ADAMTS4: variants seen among roughly 807,000 people sequenced by gnomAD.
ADAMTS4 encodes A disintegrin and metalloproteinase with thrombospondin motifs 4.
Under a neutral mutation model 66.7 loss-of-function variants are expected in ADAMTS4, and 38 were observed. The observed-to-expected ratio is 0.57, with a 90% CI of 0.44 to 0.75. The LOEUF (loss-of-function observed/expected upper bound fraction) is 0.75, where lower values mean the gene tolerates loss of function less well. Ranked by LOEUF, ADAMTS4 falls within the 30% of genes least tolerant of loss-of-function variation. The pLI is 0.00. For synonymous variants in ADAMTS4, 418 were observed against 461.5 expected (o/e 0.91, Z 1.21); for missense variants, 1,014 against 1,116.7 (o/e 0.91, Z 1.31).
chr1:161,197,885 G>T (rs918160673), intron 1 of ADAMTS4, 110 bp downstream of exon 1: 27 of 1,461,428 alleles, frequency 1.8e-5, no homozygotes, highest in Admixed American at 2.4e-5. Context: ...GCAGAAGGGA[G>T]GGAAGCAGAA....
chr1:161,194,013 G>C lies in ADAMTS4; in HGVS notation c.1470C>G (p.Ala490=), dbSNP rs750505995. 6.2e-7 allele frequency: 1 copy of C among 1,613,472 alleles called. No individual in the cohort carries two copies. The highest frequency in any genetic ancestry group is 8.5e-7 in the Non-Finnish European group (1 of 1,179,586). Residue 490 remains alanine, a synonymous_variant, in exon 5 of 9, where the codon GCC becomes GCG. Transcript: ENST00000367996. The surrounding 1 kb of genome is among the most constrained non-coding windows in gnomAD (Gnocchi z 4.1). ...AMCQTKHSPW[A]DGTPCGPAQA... is the part of the protein sequence containing the mutation. ...GTGCGGGCCCGCAGGGTGTGCCATC[G>C]GCCCAGGGCGAGTGTTTGGTCTGGC...
At position 161,194,756 on chromosome 1, in the gene ADAMTS4, T is replaced by C. The variant is rs1224058227; in HGVS notation, c.1262-535A>G. On this transcript the variant is annotated intron_variant, in intron 4 of 8. Transcript: ENST00000367996. The surrounding 1 kb of genome is among the most constrained non-coding windows in gnomAD (Gnocchi z 4.1). ...TATTATGAGATGAGCATTGGCTAAA[T>C]GCTTGACCAGCACTATTTAATCATG... Among the ~76,000 whole-genome samples the C allele has an allele frequency of 6.6e-6, 1 of 152,252 alleles. No individual in the cohort carries two copies. Among genetic ancestry groups the C allele is most frequent in the Non-Finnish European group, 1.5e-5 (1 of 68,040 alleles).
Position 161,191,105 on chromosome 1 carries a change from CGGTGCCCAGAAAG to C in ADAMTS4, c.*20_*32del. 6.6e-7 allele frequency: 1 copy of C among 1,514,352 alleles called. No individual in the cohort carries two copies. The allele number at this position is 1,514,352 out of a possible 1,614,324, so 93.8% of individuals were successfully genotyped here. On this transcript the variant is annotated 3_prime_UTR_variant, in exon 9 of 9. Transcript: ENST00000367996. ...TTTCTCCCAGCTAAGTCCGAGGCCC[CGGTGCCCAGAAAG>C]GGCAGCCGGGATAGTGAGGTTATTT...
At position 161,190,959 on chromosome 1, in the gene ADAMTS4, C is replaced by G; in HGVS notation, c.*179G>C. On this transcript the variant is annotated 3_prime_UTR_variant, in exon 9 of 9. Coordinates refer to ENST00000367996, the MANE Select transcript of ADAMTS4 (RefSeq NM_005099.6). ...TCCATCCACTAACCCATCACTGCCTCCCAGGGCAGGAAACCAGGGCAGGGC... is the reference window on the plus strand; with the variant it reads ...TCCATCCACTAACCCATCACTGCCTGCCAGGGCAGGAAACCAGGGCAGGGC... 1.5e-6 allele frequency: 1 copy of G among 674,460 alleles called. No individual in the cohort carries two copies. Among genetic ancestry groups the G allele is most frequent in the South Asian group, 2.7e-5 (1 of 37,686 alleles). 41.8% of individuals were successfully genotyped at this position (674,460 alleles called of 1,614,324 possible).
In ADAMTS4 at chr1:161,189,891, T is replaced by G. The variant is rs1194867100; in HGVS notation, c.*1247A>C. ...CCACATCTGTCTGACTCCAAAAGGA[T>G]CACATAAATAGTAGAATTCAATTTA... is the stretch of plus-strand genomic sequence containing the variant. On this transcript the variant is annotated 3_prime_UTR_variant, in exon 9 of 9. Coordinates refer to ENST00000367996, the MANE Select transcript of ADAMTS4 (RefSeq NM_005099.6). 6.6e-6 allele frequency: 1 copy of G among 152,126 alleles called. No homozygotes were observed. The highest frequency in any genetic ancestry group is 1.5e-5 in the Non-Finnish European group (1 of 68,030). The allele number at this position is 152,126 out of a possible 1,614,324, so 9.4% of individuals were successfully genotyped here.
rs1664531593 is a variant in ADAMTS4 at position 161,185,778 on chromosome 1, C to T, written c.*5360G>A. 1 of 152,092 alleles carries T rather than the reference C, an allele frequency of 6.6e-6. No individual in the cohort carries two copies. The highest frequency in any genetic ancestry group is 1.5e-5 in the Non-Finnish European group (1 of 68,030). The allele number at this position is 152,092 out of a possible 1,614,324, so 9.4% of individuals were successfully genotyped here. A position where few individuals can be genotyped will look rare whatever the true frequency, so the allele number is the denominator to read the frequency against. ...GGAAGAGAAGTGTAAATGCCGATTCCACAGCACACTCCAGGAACCCTGGCT... is the reference window on the plus strand; with the variant it reads ...GGAAGAGAAGTGTAAATGCCGATTCTACAGCACACTCCAGGAACCCTGGCT... On this transcript the variant is annotated 3_prime_UTR_variant, in exon 9 of 9. Transcript: ENST00000367996.
In ADAMTS4 at chr1:161,191,619, C is replaced by T. The variant is rs1304724857; in HGVS notation, c.2088-55G>A. 7.6e-5 allele frequency: 116 copies of T among 1,518,338 alleles called. 1 individual carries two copies. In the South Asian group the frequency reaches 1.1e-3, roughly 15 times the overall value. 94.1% of individuals were successfully genotyped at this position (1,518,338 alleles called of 1,614,324 possible). A position where few individuals can be genotyped will look rare whatever the true frequency, so the allele number is the denominator to read the frequency against. On this transcript the variant is annotated intron_variant, in intron 8 of 8. Transcript: ENST00000367996. ...GGATCACCTGAATCCCCTCAGCCTT[C>T]TGAGCTGTGCTTATGTGACTGTATG...
In ADAMTS4 at chr1:161,198,377, C is replaced by A; in HGVS notation, c.251G>T (p.Arg84Leu). The A allele has an allele frequency of 6.2e-7, 1 of 1,612,580 alleles. No homozygotes were observed. The highest frequency in any genetic ancestry group is 8.5e-7 in the Non-Finnish European group (1 of 1,179,680). ...GSGAPARLLC[R>L]LQAFGETLLL... is the part of the protein sequence containing the mutation. ...CAGCGTCTCCCCAAAGGCCTGCAAG[C>A]GGCACAACAGCCTGGCAGGGGCGCC... Residue 84 changes from arginine (R) to leucine (L), a missense_variant, in exon 1 of 9, where the codon CGC (arginine) becomes CTC (leucine). Physicochemically the swap from Arg to Leu is moderately radical, Grantham distance 102. Coordinates refer to ENST00000367996, the MANE Select transcript of ADAMTS4 (RefSeq NM_005099.6). The surrounding 1 kb of genome is among the most constrained non-coding windows in gnomAD (Gnocchi z 4.7).
rs1664629344 is a variant in ADAMTS4, at chr1:161,190,212, G to A, written c.*926C>T. The A allele has an allele frequency of 6.6e-6, 1 of 152,224 alleles. No individual in the cohort carries two copies. The highest frequency in any genetic ancestry group is 2.4e-5 in the African/African-American group (1 of 41,452). 9.4% of individuals were successfully genotyped at this position (152,224 alleles called of 1,614,324 possible). ...TACTAAAAATACAAAAATTAGCCGG[G>A]CGTGGTGGTAGGTGCCTATAATCTC... On this transcript the variant is annotated 3_prime_UTR_variant, in exon 9 of 9. Coordinates refer to ENST00000367996, the MANE Select transcript of ADAMTS4 (RefSeq NM_005099.6).
At position 161,191,049 on chromosome 1, in the gene ADAMTS4, C is replaced by T. The variant is rs1664660242; in HGVS notation, c.*89G>A. The T allele has an allele frequency of 2.8e-6, 4 of 1,431,708 alleles. No individual in the cohort carries two copies. In the Admixed American group the frequency reaches 9.3e-5, roughly 33 times the overall value. 88.7% of individuals were successfully genotyped at this position (1,431,708 alleles called of 1,614,324 possible). A position where few individuals can be genotyped will look rare whatever the true frequency, so the allele number is the denominator to read the frequency against. The stretch of plus-strand genomic sequence containing the variant: ...CGCCCACAGCCCCTCCCCACTGAGT[C>T]TTAGCATGAGGCAGCAACAGAAGCT... On this transcript the variant is annotated 3_prime_UTR_variant, in exon 9 of 9. Transcript: ENST00000367996.
At position 161,191,450 on chromosome 1, in the gene ADAMTS4, G is replaced by A. The variant is rs746769366; in HGVS notation, c.2202C>T (p.Gly734=). Reference sequence around the variant, plus strand: ...TGTATTCACCATTGAGGGCATAGGAGCCATCTGGCAGCTTCAGGGCCAAGT... The same window carrying A: ...TGTATTCACCATTGAGGGCATAGGAACCATCTGGCAGCTTCAGGGCCAAGT... ...SIYLALKLPD[G]SYALNGEYTL... is the part of the protein sequence containing the mutation. Residue 734 remains glycine, a synonymous_variant, in exon 9 of 9, where the codon GGC becomes GGT. Transcript: ENST00000367996. 3.1e-6 allele frequency: 5 copies of A among 1,614,076 alleles called. No homozygotes were observed. The highest frequency in any genetic ancestry group is 4.2e-6 in the Non-Finnish European group (5 of 1,180,032).
At position 161,197,966 on chromosome 1, in the gene ADAMTS4, C is replaced by T. The variant is rs200879343; in HGVS notation, c.633+29G>A. 2.3e-4 allele frequency: 349 copies of T among 1,532,378 alleles called. 3 individuals carry two copies. In the East Asian group the frequency reaches 6.1e-3, roughly 27 times the overall value. The allele number at this position is 1,532,378 out of a possible 1,614,324, so 94.9% of individuals were successfully genotyped here. ...TAGGACAGACATGGCGGGAGGACAC[C>T]GCAGGACACAGACTCCAGAGATGCC... On this transcript the variant is annotated intron_variant, in intron 1 of 8. Transcript: ENST00000367996.
At chr1:161,192,015 A>G (rs1664694510) in intron 8 of ADAMTS4, 50 bp downstream of exon 8, 1 of 1,586,180 alleles carries the variant, frequency 6.3e-7, no homozygotes, top group Non-Finnish European at 8.6e-7. Flanking sequence ...CTGCATCACT[A>G]GGACCCAGAA....
Position 161,193,245 on chromosome 1 carries a change from C to T in ADAMTS4, c.1879G>A (p.Ala627Thr), listed in dbSNP as rs1319376302. The T allele has an allele frequency of 9.9e-6, 16 of 1,613,780 alleles. No individual in the cohort carries two copies. Among genetic ancestry groups the T allele is most frequent in the Admixed American group, 1.7e-5 (1 of 59,986 alleles). The change falls in exon 7 of 9, where the codon GCA becomes ACA. Residue 627 changes from alanine (A) to threonine (T), a missense_variant. Coordinates refer to ENST00000367996, the MANE Select transcript of ADAMTS4 (RefSeq NM_005099.6). This position sits in a 1 kb window ranked among gnomAD's most constrained non-coding sequence, Gnocchi z 4.4. The stretch of plus-strand genomic sequence containing the variant: ...TCCAGCACATAGTAGTAGCCCAGTG[C>T]CTGGGCCTGGCAGGTGAGTTTGCAC... ...DQCKLTCQAQALGYYYVLEPR... is the reference protein window; with the variant it reads ...DQCKLTCQAQTLGYYYVLEPR...
At chr1:161,197,153 A>C (rs1026487631) in intron 1 of ADAMTS4, 5 of 414,448 alleles carry the variant, frequency 1.2e-5, no homozygotes, top group Non-Finnish European at 2.2e-5. Flanking sequence ...CGGGAGCCCC[A>C]GAGGTGAAAG....
rs1413126794 is a variant in ADAMTS4 at position 161,189,252 on chromosome 1, T to C, written c.*1886A>G. On this transcript the variant is annotated 3_prime_UTR_variant, in exon 9 of 9. Transcript: ENST00000367996. ...GTGGGAGTAGATACTGTTAGTCCCA[T>C]ATGAGCAATCTAAGGCTCAGCATCA... The C allele has an allele frequency of 2.0e-5, 3 of 152,074 alleles. No individual in the cohort carries two copies. Among genetic ancestry groups the C allele is most frequent in the Non-Finnish European group, 2.9e-5 (2 of 68,022 alleles). 9.4% of individuals were successfully genotyped at this position (152,074 alleles called of 1,614,324 possible). A position where few individuals can be genotyped will look rare whatever the true frequency, so the allele number is the denominator to read the frequency against.
Position 161,194,352 on chromosome 1 carries a change from A to C in ADAMTS4, c.1262-131T>G. 1.3e-6 allele frequency: 1 copy of C among 748,242 alleles called. No homozygotes were observed. The highest frequency in any genetic ancestry group is 2.5e-5 in the South Asian group (1 of 40,688). 46.4% of individuals were successfully genotyped at this position (748,242 alleles called of 1,614,324 possible). On this transcript the variant is annotated intron_variant, in intron 4 of 8. Transcript: ENST00000367996. The surrounding 1 kb of genome is among the most constrained non-coding windows in gnomAD (Gnocchi z 4.1). ...CAATCCTAGGACTATAAGAGGATTT[A>C]AATTTTTGTTATTTATAATTTTTAT...
Position 161,194,558 on chromosome 1 carries a change from T to C in ADAMTS4, c.1262-337A>G, listed in dbSNP as rs1267059841. ...GCATGTGCCATGTCCAGCTAATTTTTTGGAATTTTTTGTAGTGATAAGGTC... is the reference window on the plus strand; with the variant it reads ...GCATGTGCCATGTCCAGCTAATTTTCTGGAATTTTTTGTAGTGATAAGGTC... On this transcript the variant is annotated intron_variant, in intron 4 of 8. Transcript: ENST00000367996. This position sits in a 1 kb window ranked among gnomAD's most constrained non-coding sequence, Gnocchi z 4.1. Among the ~76,000 whole-genome samples the C allele has an allele frequency of 6.6e-6, 1 of 152,012 alleles. No homozygotes were observed. Among genetic ancestry groups the C allele is most frequent in the Admixed American group, 6.6e-5 (1 of 15,260 alleles).
rs950993887 is a variant in ADAMTS4, at chr1:161,190,150, C to G, written c.*988G>C. On this transcript the variant is annotated 3_prime_UTR_variant, in exon 9 of 9. Transcript: ENST00000367996. ...AGTGGATCACCTAAGGTCAGGAGTTCGAGACCAGCCTGGCCAACATGGTGA... is the reference window on the plus strand; with the variant it reads ...AGTGGATCACCTAAGGTCAGGAGTTGGAGACCAGCCTGGCCAACATGGTGA... 1 of 151,272 alleles carries G rather than the reference C, an allele frequency of 6.6e-6. No individual in the cohort carries two copies. Among genetic ancestry groups the G allele is most frequent in the Non-Finnish European group, 1.5e-5 (1 of 67,890 alleles). 9.4% of individuals were successfully genotyped at this position (151,272 alleles called of 1,614,324 possible).
Sources: allele counts gnomAD v4.1 joint callset (sites outside exome capture counted in the v4.1 genomes callset), GRCh38; gene constraint gnomAD v4.1.1; non-coding constraint Gnocchi (gnomAD v3.1); transcripts MANE v1.5; gene names NCBI Gene and HGNC (gene_info 2026-07-23, HGNC 2026-07-21).